MLLT10: variants seen among roughly 807,000 people sequenced by gnomAD.
MLLT10 encodes protein AF-10.
MLLT10 carries 30 observed loss-of-function variants against 129.1 expected under a neutral mutation model. That is an observed-to-expected ratio of 0.23 (90% CI 0.17 to 0.32). The LOEUF is 0.32. Ranked by LOEUF, MLLT10 falls within the 10% of genes least tolerant of loss-of-function variation. The pLI is 1.00. For synonymous variants in MLLT10, 490 were observed against 446.4 expected (o/e 1.10, Z -1.23); for missense variants, 1,119 against 1,268.3 (o/e 0.88, Z 1.79).
At chr10:21,671,798 A>G (rs1564620230) in intron 10 of MLLT10, among the ~76,000 whole-genome samples, 1 of 152,046 alleles carries the variant, frequency 6.6e-6, no homozygotes, top group South Asian at 2.1e-4. Context: ...GGACAGGCAA[A>G]CAAAATTAGC....
chr10:21,612,511 ATAAGT>A, intron 6 of MLLT10, 60 bp downstream of exon 6: 1 of 1,060,990 alleles, frequency 9.4e-7, no homozygotes, highest in Non-Finnish European at 1.4e-6. Flanking sequence ...TGTAACAATC[ATAAGT>A]TAAAGACTTA....
chr10:21,716,007 C>T (rs2056525034), intron 14 of MLLT10, among the ~76,000 whole-genome samples: 1 of 152,210 alleles, frequency 6.6e-6, no homozygotes, highest in Non-Finnish European at 1.5e-5. Flanking sequence ...CTGTAGCAAC[C>T]ATCAGTCTCC....
intron 3 of MLLT10, among the ~76,000 whole-genome samples, chr10:21,574,426 C>G (rs2040520301): frequency 1.3e-5 from 2 of 152,050 alleles, no homozygotes; most frequent in Admixed American, 1.3e-4. Flanking sequence ...AAAGGGGGTC[C>G]CAATCCAGAC....
At chr10:21,665,549 A>C (rs1356513697) in intron 9 of MLLT10, among the ~76,000 whole-genome samples, 1 of 151,816 alleles carries the variant, frequency 6.6e-6, no homozygotes, top group Non-Finnish European at 1.5e-5. Flanking sequence ...CCGCCTCCCA[A>C]ACAGCTGGGA....
chr10:21,538,093 C>G (rs1336646940), intron 2 of MLLT10, among the ~76,000 whole-genome samples: 1 of 151,500 alleles, frequency 6.6e-6, no homozygotes, highest in African/African-American at 2.4e-5. Flanking sequence ...CTTGACTTCC[C>G]AGGCTCAAGT....
At position 21,668,796 on chromosome 10, in the gene MLLT10, C is replaced by T. The variant is rs182194737; in HGVS notation, c.796-1653C>T. ...TAGATTGTCATGTGGAAGTGAATAG[C>T]GTATTTCCATTTGTAGTACTCTACC... On this transcript the variant is annotated intron_variant, in intron 9 of 22. Coordinates refer to ENST00000307729, the MANE Select transcript of MLLT10 (RefSeq NM_001195626.3). The T allele has an allele frequency of 4.8e-5, 21 of 440,064 alleles. No individual in the cohort carries two copies. In the East Asian group the frequency reaches 2.0e-3, roughly 43 times the overall value. The allele number at this position is 440,064 out of a possible 1,614,324, so 27.3% of individuals were successfully genotyped here. A position where few individuals can be genotyped will look rare whatever the true frequency, so the allele number is the denominator to read the frequency against.
intron 13 of MLLT10, among the ~76,000 whole-genome samples, chr10:21,685,004 C>T (rs1264064979): frequency 6.6e-6 from 1 of 151,970 alleles, no homozygotes; most frequent in Non-Finnish European, 1.5e-5. Context: ...TTTTTTCAGA[C>T]TCTTTGATAG....
At chr10:21,643,964 AT>A (rs2048251314) in intron 8 of MLLT10, among the ~76,000 whole-genome samples, 1 of 152,076 alleles carries the variant, frequency 6.6e-6, no homozygotes, top group South Asian at 2.1e-4. Flanking sequence ...TACTGTGATT[AT>A]TTCAAGCCTT....
chr10:21,666,704 C>G (rs1316792049), intron 9 of MLLT10, among the ~76,000 whole-genome samples: 1 of 151,864 alleles, frequency 6.6e-6, no homozygotes, highest in Non-Finnish European at 1.5e-5. Context: ...TGGAACAAGT[C>G]TTTATTGTTT....
intron 3 of MLLT10, among the ~76,000 whole-genome samples, chr10:21,546,569 T>TG (rs2036110226): frequency 6.7e-6 from 1 of 148,920 alleles, no homozygotes; most frequent in Non-Finnish European, 1.5e-5. Context: ...CACTCCTGGC[T>TG]AATTTGTTTT....
chr10:21,618,891 CCTGT>C (rs2045530809), intron 8 of MLLT10, among the ~76,000 whole-genome samples: 1 of 152,028 alleles, frequency 6.6e-6, no homozygotes, highest in Non-Finnish European at 1.5e-5. Context: ...TGCCACCATG[CCTGT>C]CTAATTTATT....
chr10:21,585,242 G>C (rs1361809825), intron 3 of MLLT10, among the ~76,000 whole-genome samples: 1 of 151,972 alleles, frequency 6.6e-6, no homozygotes, highest in Non-Finnish European at 1.5e-5. Flanking sequence ...TATATAGTAT[G>C]CTGCAAAACC....
intron 8 of MLLT10, among the ~76,000 whole-genome samples, chr10:21,635,714 T>C (rs559340764): frequency 6.6e-6 from 1 of 151,956 alleles, no homozygotes; most frequent in East Asian, 1.9e-4. Flanking sequence ...CCATTTTCTC[T>C]TGCTGTTTTT....
At chr10:21,669,839 T>G (rs888426135) in intron 9 of MLLT10, among the ~76,000 whole-genome samples, 1 of 152,346 alleles carries the variant, frequency 6.6e-6, no homozygotes. Context: ...TTTTTAGGGA[T>G]AGTTATAAAA....
chr10:21,550,627 G>T (rs1347268138), intron 3 of MLLT10, among the ~76,000 whole-genome samples: 2 of 152,178 alleles, frequency 1.3e-5, no homozygotes. Flanking sequence ...CGCCTCCTGG[G>T]TTGGAGCGAT....
intron 22 of MLLT10, among the ~76,000 whole-genome samples, chr10:21,740,975 A>G (rs749093605): frequency 6.6e-6 from 1 of 152,210 alleles, no homozygotes; most frequent in South Asian, 2.1e-4. Context: ...GAAAAGGAAG[A>G]AGGGAGGGAC....
intron 16 of MLLT10, 77 bp from the exon 17 acceptor site, chr10:21,730,823 G>C (rs2057909173): frequency 1.3e-6 from 2 of 1,505,134 alleles, no homozygotes; most frequent in Non-Finnish European, 9.2e-7. Flanking sequence ...AGGAGAAAAG[G>C]GGTCAGCTTA....
At chr10:21,712,832 G>A (rs937142117) in intron 13 of MLLT10, among the ~76,000 whole-genome samples, 1 of 152,194 alleles carries the variant, frequency 6.6e-6, no homozygotes, top group Non-Finnish European at 1.5e-5. Flanking sequence ...GGTTGAGAAC[G>A]GCTGGTTTAT....
At chr10:21,653,701 A>C (rs991468774) in intron 9 of MLLT10, among the ~76,000 whole-genome samples, 1 of 152,182 alleles carries the variant, frequency 6.6e-6, no homozygotes, top group African/African-American at 2.4e-5. Flanking sequence ...GAGGGGTGCT[A>C]TCCTGCCTAC....
Sources: allele counts gnomAD v4.1 joint callset (sites outside exome capture counted in the v4.1 genomes callset), GRCh38; gene constraint gnomAD v4.1.1; transcripts MANE v1.5; gene names NCBI Gene and HGNC (gene_info 2026-07-23, HGNC 2026-07-21).